Variants in KIAA1217 observed in about 807,000 individuals in gnomAD.
KIAA1217 encodes the protein KIAA1217, also known as sickle tail protein homolog.
KIAA1217 carries 88 observed loss-of-function variants against 163.9 expected under a neutral mutation model. The observed-to-expected ratio is 0.54, with a 90% CI of 0.45 to 0.64. KIAA1217 has a LOEUF of 0.64. Among genes scored for constraint, KIAA1217 ranks in the 30% least tolerant of loss-of-function variants. The pLI is 0.00. For missense variants in KIAA1217, 2,372 were observed against 2,475.0 expected, an observed-to-expected ratio of 0.96 and a Z score of 0.88; for synonymous variants, 903 against 923.1, an observed-to-expected ratio of 0.98 and a Z score of 0.39.
At chr10:24,176,408 G>C (rs1589782486) in intron 2 of KIAA1217, among the ~76,000 whole-genome samples, 1 of 152,088 alleles carries the variant, frequency 6.6e-6, no homozygotes, top group African/African-American at 2.4e-5. Flanking sequence ...CAAATCTTTA[G>C]CTAGACACAG....
intron 1 of KIAA1217, among the ~76,000 whole-genome samples, chr10:23,905,258 T>C (rs1054948136): frequency 2.0e-5 from 3 of 151,582 alleles, no homozygotes; most frequent in Non-Finnish European, 4.4e-5. Flanking sequence ...CTGGATCACA[T>C]GCACTATCTC....
At chr10:24,532,904 ACAAATACAAACTAAATG>A (rs1422862888) in intron 15 of KIAA1217, among the ~76,000 whole-genome samples, 149 bp from the exon 16 acceptor site, 1 of 152,208 alleles carries the variant, frequency 6.6e-6, no homozygotes, top group African/African-American at 2.4e-5. Context: ...TTATGCAAAC[ACAAATACAAACTAAATG>A]CAAAGGAATA....
intron 2 of KIAA1217, among the ~76,000 whole-genome samples, chr10:24,118,151 T>TAAA (rs75931103): frequency 1.6e-5 from 2 of 123,398 alleles, no homozygotes; most frequent in East Asian, 2.2e-4. Context: ...AAATAACGGT[T>TAAA]AAAAAAAAAA....
At chr10:24,231,895 T>C (rs1202126196) in intron 2 of KIAA1217, among the ~76,000 whole-genome samples, 8 of 148,142 alleles carry the variant, frequency 5.4e-5, no homozygotes, top group African/African-American at 2.0e-4. Flanking sequence ...ACCTCCGGGG[T>C]TCAGCCTTCT....
At chr10:24,003,719 A>C (rs1564602961) in intron 1 of KIAA1217, among the ~76,000 whole-genome samples, 1 of 152,220 alleles carries the variant, frequency 6.6e-6, no homozygotes. Flanking sequence ...CTGATGATTT[A>C]ATGTGTCACT....
chr10:24,351,162 GGT>G (rs1172190957), intron 2 of KIAA1217, among the ~76,000 whole-genome samples: 6 of 152,128 alleles, frequency 3.9e-5, no homozygotes, highest in African/African-American at 1.4e-4. Flanking sequence ...TGGACAGGCT[GGT>G]CTAAAACTCC....
chr10:24,238,449 C>A (rs966207319), intron 2 of KIAA1217, among the ~76,000 whole-genome samples: 5 of 152,240 alleles, frequency 3.3e-5, no homozygotes, highest in Middle Eastern at 3.4e-3. Context: ...TTAGAGCCTA[C>A]GGACCATTTC....
intron 12 of KIAA1217, 80 bp downstream of exon 12, chr10:24,522,009 G>C: frequency 6.7e-7 from 1 of 1,492,486 alleles, no homozygotes; most frequent in Non-Finnish European, 9.1e-7. Context: ...TGGGACTTCA[G>C]CCTTCCACCA....
chr10:24,314,923 G>A (rs928463870), intron 2 of KIAA1217, among the ~76,000 whole-genome samples: 3 of 151,964 alleles, frequency 2.0e-5, no homozygotes, highest in Non-Finnish European at 2.9e-5. Flanking sequence ...CAGCCTGGGC[G>A]ACAGAGCGAG....
intron 2 of KIAA1217, among the ~76,000 whole-genome samples, chr10:24,177,303 A>C (rs2065954289): frequency 1.7e-5 from 2 of 117,916 alleles, no homozygotes; most frequent in Non-Finnish European, 3.5e-5. Context: ...ATATATTACA[A>C]TTTCTTTGTC....
chr10:23,951,168 T>C (rs1183214368), intron 1 of KIAA1217, among the ~76,000 whole-genome samples: 1 of 152,096 alleles, frequency 6.6e-6, no homozygotes, highest in Non-Finnish European at 1.5e-5. Flanking sequence ...GCAGAGTGGC[T>C]TTCTTAGATG....
intron 2 of KIAA1217, among the ~76,000 whole-genome samples, chr10:24,012,534 A>AG (rs1847280180): frequency 1.3e-5 from 2 of 152,296 alleles, no homozygotes; most frequent in South Asian, 4.1e-4. Context: ...AGGGTGTCTG[A>AG]TTATAAGATA....
chr10:23,816,035 A>T (rs1300000168), intron 1 of KIAA1217, among the ~76,000 whole-genome samples: 1 of 151,784 alleles, frequency 6.6e-6, no homozygotes, highest in African/African-American at 2.4e-5. Flanking sequence ...TCTTTTAGGA[A>T]CTCCCTGTCT....
chr10:23,743,778 T>C (rs1178040610), intron 1 of KIAA1217, among the ~76,000 whole-genome samples: 1 of 152,218 alleles, frequency 6.6e-6, no homozygotes, highest in Non-Finnish European at 1.5e-5. Context: ...GGATAAAATA[T>C]AGCCAGTAAA....
chr10:23,784,167 C>G (rs1016893624), intron 1 of KIAA1217, among the ~76,000 whole-genome samples: 1 of 151,994 alleles, frequency 6.6e-6, no homozygotes, highest in Non-Finnish European at 1.5e-5. Flanking sequence ...AATGAATTGA[C>G]CCCTTTATCA....
intron 6 of KIAA1217, among the ~76,000 whole-genome samples, chr10:24,477,494 A>C (rs1246502066): frequency 5.3e-5 from 8 of 152,226 alleles, no homozygotes; most frequent in Admixed American, 3.9e-4. Context: ...TGAGAACTAT[A>C]AGCCCCACCT....
chr10:24,463,178 C>T (rs566305948), intron 5 of KIAA1217, among the ~76,000 whole-genome samples: 56 of 152,230 alleles, frequency 3.7e-4, no homozygotes, highest in African/African-American at 1.3e-3. Context: ...TTTATCCATC[C>T]TACAGCACTG....
intron 1 of KIAA1217, among the ~76,000 whole-genome samples, chr10:23,824,631 GAAAA>G (rs1216051100): frequency 0.062 from 699 of 11,322 alleles, 9 homozygotes; most frequent in East Asian, 0.21. Context: ...TCTGTCTCAA[GAAAA>G]AAAAAAAAAA....
At chr10:23,797,128 T>G (rs541860924) in intron 1 of KIAA1217, among the ~76,000 whole-genome samples, 1 of 152,180 alleles carries the variant, frequency 6.6e-6, no homozygotes, top group Non-Finnish European at 1.5e-5. Flanking sequence ...AGCTGTAAAA[T>G]GTATATTTTA....
Sources: gnomAD v4.1 joint callset for allele counts (sites outside exome capture counted in the v4.1 genomes callset) on GRCh38, gnomAD v4.1.1 for gene constraint, MANE v1.5 for transcripts, NCBI Gene and HGNC (gene_info 2026-07-23, HGNC 2026-07-21) for gene names.